Variants in RNF220 observed in about 807,000 individuals in gnomAD.
The protein encoded by RNF220 is E3 ubiquitin-protein ligase RNF220.
Under a neutral mutation model 67.1 loss-of-function variants are expected in RNF220, and 7 were observed. The observed-to-expected ratio is 0.10, with a 90% CI of 0.06 to 0.20. RNF220 has a LOEUF of 0.20. RNF220 is among the 10% of genes least tolerant of loss of function. The pLI, the probability that RNF220 is intolerant of heterozygous loss-of-function variation, is 1.00. For missense variants in RNF220, 565 were observed against 740.3 expected, an observed-to-expected ratio of 0.76 and a Z score of 2.75; for synonymous variants, 270 against 283.2, an observed-to-expected ratio of 0.95 and a Z score of 0.47.
rs1425719787 is a variant in RNF220, at chr1:44,491,465, A to G, written c.625+78743A>G. Among the ~76,000 whole-genome samples, 3 of 152,150 alleles carry G rather than the reference A, an allele frequency of 2.0e-5. No individual in the cohort carries two copies. In the East Asian group the frequency reaches 5.8e-4, roughly 29 times the overall value. ...GATACAAAATAAATCAATGTAATATACCATATTAATACAAGAGAGAACAAA... is the reference window on the plus strand; with the variant it reads ...GATACAAAATAAATCAATGTAATATGCCATATTAATACAAGAGAGAACAAA... On this transcript the variant is annotated intron_variant, in intron 2 of 14. Coordinates refer to ENST00000361799, the MANE Select transcript of RNF220 (RefSeq NM_018150.4).
At chr1:44,462,751 G>A (rs905665205) in intron 2 of RNF220, among the ~76,000 whole-genome samples, 5 of 152,170 alleles carry the variant, frequency 3.3e-5, no homozygotes, top group South Asian at 2.1e-4. Flanking sequence ...AAGAAAGGCC[G>A]GGCACGGTGG....
intron 2 of RNF220, 44 bp from the exon 3 acceptor site, chr1:44,614,121 A>G (rs374172786): frequency 8.1e-6 from 13 of 1,611,240 alleles, no homozygotes; most frequent in African/African-American, 1.3e-5. Context: ...TGCCTCCTGG[A>G]CTAGCCCAGC....
At chr1:44,469,129 A>T (rs1557955435) in intron 2 of RNF220, among the ~76,000 whole-genome samples, 3 of 152,198 alleles carry the variant, frequency 2.0e-5, no homozygotes, top group African/African-American at 7.2e-5. Context: ...TCATATGAAA[A>T]AGATGCCTAA....
intron 2 of RNF220, among the ~76,000 whole-genome samples, chr1:44,461,939 T>G (rs1031759112): frequency 3.5e-5 from 4 of 115,910 alleles, no homozygotes; most frequent in African/African-American, 6.5e-5. Context: ...TTTTTTTTTT[T>G]TTTTTTGAGC....
At chr1:44,452,962 T>C (rs1652839302) in intron 2 of RNF220, among the ~76,000 whole-genome samples, 1 of 152,246 alleles carries the variant, frequency 6.6e-6, no homozygotes, top group South Asian at 2.1e-4. Context: ...CATCCAGGAA[T>C]ATGATGTGTT....
chr1:44,496,096 G>T (rs1346391077), intron 2 of RNF220, among the ~76,000 whole-genome samples: 2 of 152,234 alleles, frequency 1.3e-5, no homozygotes, highest in Non-Finnish European at 2.9e-5. Context: ...GTTTTAGAAG[G>T]AGCCGTGTAG....
intron 2 of RNF220, among the ~76,000 whole-genome samples, chr1:44,541,778 C>T (rs915401773): frequency 9.2e-5 from 14 of 152,232 alleles, no homozygotes; most frequent in African/African-American, 3.1e-4. Context: ...TCATCTGAGC[C>T]TCTCCTGTTT....
intron 2 of RNF220, among the ~76,000 whole-genome samples, chr1:44,462,381 A>G (rs1450471136): frequency 6.6e-6 from 1 of 152,220 alleles, no homozygotes; most frequent in African/African-American, 2.4e-5. Context: ...ACCAAAGGTA[A>G]CATAAAACTC....
chr1:44,506,715 G>A (rs562395903), intron 2 of RNF220, among the ~76,000 whole-genome samples: 2 of 152,350 alleles, frequency 1.3e-5, no homozygotes, highest in African/African-American at 4.8e-5. Context: ...GAACACTGGA[G>A]TAGGAGCCAG....
At chr1:44,446,238 A>G (rs888222993) in intron 2 of RNF220, among the ~76,000 whole-genome samples, 1 of 152,236 alleles carries the variant, frequency 6.6e-6, no homozygotes, top group African/African-American at 2.4e-5. Flanking sequence ...ATTTTATAAG[A>G]ACAAACGTAA....
intron 2 of RNF220, among the ~76,000 whole-genome samples, chr1:44,607,125 C>A (rs935091913): frequency 2.6e-5 from 4 of 152,206 alleles, no homozygotes; most frequent in Non-Finnish European, 4.4e-5. Context: ...TCTCCGGCAT[C>A]GTCATGCTAG....
At chr1:44,582,230 C>T (rs1251059217) in intron 2 of RNF220, among the ~76,000 whole-genome samples, 2 of 152,174 alleles carry the variant, frequency 1.3e-5, no homozygotes, top group African/African-American at 4.8e-5. Context: ...AAGAGATGCA[C>T]CCTAAGGCAA....
intron 5 of RNF220, among the ~76,000 whole-genome samples, chr1:44,629,684 A>C (rs568723907): frequency 6.6e-6 from 1 of 152,270 alleles, no homozygotes; most frequent in East Asian, 1.9e-4. Flanking sequence ...CTAAAAATAT[A>C]AAATAAAAAA....
chr1:44,407,067 C>G (rs1014393597), intron 1 of RNF220, among the ~76,000 whole-genome samples: 2 of 152,188 alleles, frequency 1.3e-5, no homozygotes, highest in African/African-American at 4.8e-5. Flanking sequence ...CTGAGCCAGG[C>G]GCGCGTCGCA....
intron 2 of RNF220, among the ~76,000 whole-genome samples, chr1:44,552,034 A>G (rs1662676998): frequency 6.6e-6 from 1 of 152,226 alleles, no homozygotes; most frequent in Non-Finnish European, 1.5e-5. Context: ...AGTGCCTGGT[A>G]TATGCCACCA....
chr1:44,493,858 T>G (rs1657077112), intron 2 of RNF220, among the ~76,000 whole-genome samples: 1 of 151,924 alleles, frequency 6.6e-6, no homozygotes, highest in South Asian at 2.1e-4. Context: ...TTATGCTTCA[T>G]ATGGGTCTCT....
At chr1:44,572,320 C>G (rs1330509223) in intron 2 of RNF220, among the ~76,000 whole-genome samples, 1 of 152,230 alleles carries the variant, frequency 6.6e-6, no homozygotes, top group African/African-American at 2.4e-5. Flanking sequence ...AGCACAGTGC[C>G]TGGCACAGAG....
At chr1:44,534,189 A>G (rs1292028044) in intron 2 of RNF220, among the ~76,000 whole-genome samples, 1 of 152,056 alleles carries the variant, frequency 6.6e-6, no homozygotes, top group Non-Finnish European at 1.5e-5. Flanking sequence ...TATGTTGGCC[A>G]GGCTGGTCTC....
At chr1:44,514,462 G>A (rs549799570) in intron 2 of RNF220, among the ~76,000 whole-genome samples, 2 of 152,318 alleles carry the variant, frequency 1.3e-5, no homozygotes, top group South Asian at 4.1e-4. Flanking sequence ...TTAGGCATTC[G>A]TCCCTGGTTC....
Sources: gnomAD v4.1 joint callset for allele counts (sites outside exome capture counted in the v4.1 genomes callset) on GRCh38, gnomAD v4.1.1 for gene constraint, MANE v1.5 for transcripts, NCBI Gene and HGNC (gene_info 2026-07-23, HGNC 2026-07-21) for gene names.